The following MACROD2 variants were observed in gnomAD, a reference collection of about 807,000 sequenced individuals.
MACROD2 encodes the protein mono-ADP ribosylhydrolase 2, also known as ADP-ribose glycohydrolase MACROD2.
A neutral mutation model predicts 70.4 loss-of-function variants in MACROD2; 36 were observed. The observed-to-expected ratio is 0.51, with a 90% confidence interval of 0.39 to 0.68. The LOEUF is 0.68. Among genes scored for constraint, MACROD2 ranks in the 30% least tolerant of loss-of-function variants. The probability of loss-of-function intolerance (pLI) is 0.00; values close to 1 mark genes in which losing one functional copy is unlikely to be tolerated. For synonymous variants in MACROD2, 172 were observed against 178.8 expected (o/e 0.96, Z 0.30); for missense variants, 496 against 538.4 (o/e 0.92, Z 0.78).
At chr20:15,659,839 A>C (rs775291269) in intron 8 of MACROD2, among the ~76,000 whole-genome samples, 7 of 152,174 alleles carry the variant, frequency 4.6e-5, no homozygotes, top group Non-Finnish European at 8.8e-5. Context: ...CAGGGGAAAC[A>C]GACATATGAG....
At position 15,595,097 on chromosome 20, in the gene MACROD2, A is replaced by T. The variant is rs187480002; in HGVS notation, c.645+95250A>T. ...TCTGCATTTCTTAGTTTTTCTTTTTACATTTTCTTTTTAGGAGCTTGGGCA... is the reference window on the plus strand; with the variant it reads ...TCTGCATTTCTTAGTTTTTCTTTTTTCATTTTCTTTTTAGGAGCTTGGGCA... On this transcript the variant is annotated intron_variant, in intron 8 of 17. Transcript: ENST00000684519. Among the ~76,000 whole-genome samples, 9 of 152,150 alleles carry T rather than the reference A, an allele frequency of 5.9e-5. No individual in the cohort carries two copies. The East Asian group carries it at 1.4e-3, about 23-fold the overall frequency.
chr20:15,070,693 C>T (rs1188919744), intron 5 of MACROD2, among the ~76,000 whole-genome samples: 1 of 152,104 alleles, frequency 6.6e-6, no homozygotes, highest in Admixed American at 6.5e-5. Flanking sequence ...ATCATGATTA[C>T]AAGCTTCCTG....
At chr20:14,312,323 G>C (rs1025769313) in intron 3 of MACROD2, among the ~76,000 whole-genome samples, 3 of 152,184 alleles carry the variant, frequency 2.0e-5, no homozygotes. Flanking sequence ...ATGCGTAATT[G>C]CATGTTGGTG....
intron 5 of MACROD2, among the ~76,000 whole-genome samples, chr20:14,695,341 C>T (rs554198531): frequency 1.7e-4 from 26 of 152,250 alleles, no homozygotes; most frequent in Admixed American, 1.0e-3. Context: ...TGTCTTTACC[C>T]CTTCTCTTCT....
rs146349969 is a variant in MACROD2, at chr20:15,213,957, T to A, written c.419-15983T>A. Among the ~76,000 whole-genome samples, 4 of 152,152 alleles carry A rather than the reference T, an allele frequency of 2.6e-5. No individual in the cohort carries two copies. In the East Asian group the frequency reaches 7.7e-4, roughly 29 times the overall value. ...CACGGTCTCCATAAAAGAAACCAGATTGGTCTTAAATTCCTGGCCTCAACT... is the reference window on the plus strand; with the variant it reads ...CACGGTCTCCATAAAAGAAACCAGAATGGTCTTAAATTCCTGGCCTCAACT... On this transcript the variant is annotated intron_variant, in intron 5 of 17. Coordinates refer to ENST00000684519, the MANE Select transcript of MACROD2 (RefSeq NM_001351661.2).
At chr20:15,711,468 C>T (rs1476924794) in intron 8 of MACROD2, among the ~76,000 whole-genome samples, 2 of 152,360 alleles carry the variant, frequency 1.3e-5, no homozygotes, top group Non-Finnish European at 1.5e-5. Context: ...GTTAGCCATT[C>T]TCATTTCTCC....
At chr20:14,187,248 T>A (rs974200471) in intron 3 of MACROD2, among the ~76,000 whole-genome samples, 2 of 152,068 alleles carry the variant, frequency 1.3e-5, no homozygotes, top group African/African-American at 4.8e-5. Context: ...TAGAAAATTT[T>A]GAGAAAGAGA....
intron 4 of MACROD2, among the ~76,000 whole-genome samples, chr20:14,518,889 A>G (rs2085133374): frequency 6.6e-6 from 1 of 152,286 alleles, no homozygotes; most frequent in Admixed American, 6.5e-5. Flanking sequence ...TTGAAAAATC[A>G]CAATCCTTAA....
At chr20:14,972,185 C>A (rs6043039) in intron 5 of MACROD2, among the ~76,000 whole-genome samples, 2,641 of 152,316 alleles carry the variant, frequency 0.017, 82 homozygotes, top group African/African-American at 0.059. Flanking sequence ...GGTAGAACTG[C>A]CATAGTGCTC....
intron 8 of MACROD2, among the ~76,000 whole-genome samples, chr20:15,528,413 G>A (rs945232528): frequency 1.4e-4 from 21 of 152,222 alleles, no homozygotes; most frequent in Non-Finnish European, 2.9e-4. Flanking sequence ...GAGCCACTGC[G>A]CCTGGCCTGG....
chr20:14,509,565 T>A (rs2085006654), intron 4 of MACROD2, among the ~76,000 whole-genome samples: 1 of 152,018 alleles, frequency 6.6e-6, no homozygotes, highest in South Asian at 2.1e-4. Context: ...TTAGATTTGC[T>A]TCCAAGACCC....
intron 5 of MACROD2, chr20:14,757,804 C>T: frequency 6.5e-7 from 1 of 1,528,928 alleles, no homozygotes; most frequent in Admixed American, 1.7e-5. Flanking sequence ...TCCGTGATTA[C>T]CTTCATCTGC....
chr20:15,998,119 G>T (rs558801331), intron 15 of MACROD2, among the ~76,000 whole-genome samples: 1 of 152,200 alleles, frequency 6.6e-6, no homozygotes, highest in Non-Finnish European at 1.5e-5. Context: ...TTTCATCAAG[G>T]GTATTGGCCT....
chr20:14,952,160 A>G (rs1354943325), intron 5 of MACROD2, among the ~76,000 whole-genome samples: 2 of 152,168 alleles, frequency 1.3e-5, no homozygotes, highest in Admixed American at 6.5e-5. Flanking sequence ...CTAATTGTGC[A>G]TGGAATTTGC....
At chr20:14,553,900 T>C (rs767299374) in intron 4 of MACROD2, among the ~76,000 whole-genome samples, 1 of 152,188 alleles carries the variant, frequency 6.6e-6, no homozygotes, top group Non-Finnish European at 1.5e-5. Flanking sequence ...ATTCTGAGCA[T>C]GGTTTTCCAT....
At chr20:14,889,933 T>C (rs901193122) in intron 5 of MACROD2, among the ~76,000 whole-genome samples, 1 of 152,134 alleles carries the variant, frequency 6.6e-6, no homozygotes, top group Non-Finnish European at 1.5e-5. Flanking sequence ...AGTAGCCTAC[T>C]GCAATAATCT....
chr20:15,559,184 G>C (rs1196558489), intron 8 of MACROD2, among the ~76,000 whole-genome samples: 1 of 132,488 alleles, frequency 7.5e-6, no homozygotes, highest in Non-Finnish European at 1.5e-5. Flanking sequence ...TCGAGATCGC[G>C]CCACTGCACT....
intron 5 of MACROD2, among the ~76,000 whole-genome samples, chr20:14,938,847 C>A (rs2074364372): frequency 6.8e-6 from 1 of 146,876 alleles, no homozygotes. Context: ...GGAAAATATT[C>A]TTCCTTCCAT....
At chr20:14,048,164 A>G (rs2053506037) in intron 2 of MACROD2, among the ~76,000 whole-genome samples, 1 of 152,196 alleles carries the variant, frequency 6.6e-6, no homozygotes, top group African/African-American at 2.4e-5. Flanking sequence ...TTATTGCCAA[A>G]GAAGAAGGCT....
Sources: gnomAD v4.1 joint callset for allele counts (sites outside exome capture counted in the v4.1 genomes callset) on GRCh38, gnomAD v4.1.1 for gene constraint, MANE v1.5 for transcripts, NCBI Gene and HGNC (gene_info 2026-07-23, HGNC 2026-07-21) for gene names.